The following AGTPBP1 variants were observed in gnomAD, a reference collection of about 807,000 sequenced individuals.
AGTPBP1 encodes the protein ATP/GTP binding carboxypeptidase 1.
In AGTPBP1, 70 loss-of-function variants were observed where a neutral mutation model predicts 143.9. The ratio of observed to expected loss-of-function variants is 0.49; its 90% CI spans 0.40 to 0.59. The LOEUF (loss-of-function observed/expected upper bound fraction) is 0.59, where lower values mean the gene tolerates loss of function less well. Among genes scored for constraint, AGTPBP1 ranks in the 20% least tolerant of loss-of-function variants. AGTPBP1 has a pLI of 0.00. For synonymous variants in AGTPBP1, 463 were observed against 500.2 expected (o/e 0.93, Z 0.99); for missense variants, 1,229 against 1,464.5 (o/e 0.84, Z 2.62).
chr9:85,734,416 A>G (rs570985208), intron 1 of AGTPBP1, among the ~76,000 whole-genome samples: 3 of 151,080 alleles, frequency 2.0e-5, no homozygotes, highest in Non-Finnish European at 4.5e-5. Flanking sequence ...AGGCCAGTAC[A>G]GCCCTGATAC....
At chr9:85,548,219 A>C (rs902065784) in intron 25 of AGTPBP1, among the ~76,000 whole-genome samples, 3 of 152,224 alleles carry the variant, frequency 2.0e-5, no homozygotes, top group African/African-American at 4.8e-5. Context: ...ATAAGAGAGA[A>C]GCAGATGTCA....
At chr9:85,695,489 T>A (rs1037607978) in intron 2 of AGTPBP1, among the ~76,000 whole-genome samples, 1 of 152,208 alleles carries the variant, frequency 6.6e-6, no homozygotes, top group Admixed American at 6.5e-5. Context: ...TTTGCACCGA[T>A]GGTCCAAAGG....
At chr9:85,713,919 C>G (rs1198203848) in intron 1 of AGTPBP1, among the ~76,000 whole-genome samples, 1 of 152,036 alleles carries the variant, frequency 6.6e-6, no homozygotes, top group Non-Finnish European at 1.5e-5. Flanking sequence ...GTAAAAATCA[C>G]TATATATCCA....
chr9:85,645,656 T>TC (rs997788088), intron 12 of AGTPBP1, among the ~76,000 whole-genome samples: 1 of 151,246 alleles, frequency 6.6e-6, no homozygotes, highest in Non-Finnish European at 1.5e-5. Context: ...TAATCCCTCC[T>TC]CCCCCATAAA....
intron 1 of AGTPBP1, among the ~76,000 whole-genome samples, chr9:85,718,734 AAT>A (rs1837891278): frequency 6.6e-6 from 1 of 152,184 alleles, no homozygotes; most frequent in East Asian, 1.9e-4. Context: ...TTAGTCATGA[AAT>A]GTTTGCCCAT....
intron 1 of AGTPBP1, among the ~76,000 whole-genome samples, chr9:85,727,088 A>G (rs1175972641): frequency 6.6e-6 from 1 of 152,182 alleles, no homozygotes; most frequent in Non-Finnish European, 1.5e-5. Flanking sequence ...CTAGCACTCC[A>G]GGATGAGGTG....
At position 85,664,128 on chromosome 9, in the gene AGTPBP1, C is replaced by T. The variant is rs1014314110; in HGVS notation, c.663-3155G>A. 2.6e-5 allele frequency among the ~76,000 whole-genome samples: 4 copies of T among 152,092 alleles called. No homozygotes were observed. In the South Asian group the frequency reaches 8.3e-4, roughly 32 times the overall value. ...CTGAACTTACATGTAACCAAATCTA[C>T]AGTAATAGAAGGCATTGTCATGACT... is the stretch of plus-strand genomic sequence containing the variant. On this transcript the variant is annotated intron_variant, in intron 8 of 25. Coordinates refer to ENST00000357081, the MANE Select transcript of AGTPBP1 (RefSeq NM_001330701.2).
the AGTPBP1 span, chr9:85,770,519 C>T: frequency 4.7e-6 from 6 of 1,287,068 alleles, no homozygotes; most frequent in South Asian, 2.4e-5. Context: ...GAATATTTTT[C>T]TTATAAAGAT....
intron 2 of AGTPBP1, among the ~76,000 whole-genome samples, chr9:85,696,007 A>G (rs1836214594): frequency 2.6e-5 from 4 of 152,066 alleles, no homozygotes; most frequent in Admixed American, 2.6e-4. Context: ...ACACCCAGCT[A>G]ATTTTTATAT....
At chr9:85,714,907 T>C (rs948280126) in intron 1 of AGTPBP1, among the ~76,000 whole-genome samples, 1 of 151,966 alleles carries the variant, frequency 6.6e-6, no homozygotes, top group Non-Finnish European at 1.5e-5. Flanking sequence ...GACAACGTGG[T>C]GTAATGCCTA....
the AGTPBP1 span, chr9:85,765,002 A>G: frequency 1.5e-6 from 1 of 665,386 alleles, no homozygotes. Context: ...TTTTCACATA[A>G]TCATAAATAT....
chr9:85,608,534 TTTA>T (rs1830122890), intron 17 of AGTPBP1, among the ~76,000 whole-genome samples: 1 of 152,046 alleles, frequency 6.6e-6, no homozygotes, highest in Admixed American at 6.5e-5. Flanking sequence ...AGATATATTC[TTTA>T]TTATCTTCTT....
intron 2 of AGTPBP1, among the ~76,000 whole-genome samples, chr9:85,695,616 T>C (rs1334014012): frequency 6.6e-6 from 1 of 152,202 alleles, no homozygotes; most frequent in African/African-American, 2.4e-5. Flanking sequence ...AATGCCAGTT[T>C]TACCCATGAG....
In AGTPBP1 at chr9:85,702,524, T is replaced by C. The variant is rs558023225; in HGVS notation, c.33-9711A>G. ...ACAATATCATCTCTCAATTTATCTG[T>C]TTCTGTTTTATGATCTTCACAGAGG... On this transcript the variant is annotated intron_variant, in intron 2 of 25. Coordinates refer to ENST00000357081, the MANE Select transcript of AGTPBP1 (RefSeq NM_001330701.2). 2.6e-4 allele frequency among the ~76,000 whole-genome samples: 40 copies of C among 152,302 alleles called. 1 individual carries two copies. In the South Asian group the frequency reaches 7.9e-3, roughly 30 times the overall value.
chr9:85,753,467 G>A, the AGTPBP1 span: 3 of 1,607,708 alleles, frequency 1.9e-6, no homozygotes, highest in Non-Finnish European at 2.6e-6. Flanking sequence ...CAATCTGATG[G>A]TTGTCTAAAT....
intron 1 of AGTPBP1, among the ~76,000 whole-genome samples, chr9:85,734,156 G>T (rs1259942301): frequency 6.6e-5 from 10 of 152,236 alleles, no homozygotes; most frequent in South Asian, 2.1e-4. Flanking sequence ...AGGACGCTGA[G>T]GCAGAAGGAT....
the AGTPBP1 span, among the ~76,000 whole-genome samples, chr9:85,777,431 A>G: frequency 1.3e-5 from 2 of 152,202 alleles, no homozygotes; most frequent in South Asian, 4.2e-4. Context: ...CAAATTGGGC[A>G]CTCAGCAGTG....
intron 10 of AGTPBP1, among the ~76,000 whole-genome samples, chr9:85,656,049 G>A (rs1012797290): frequency 2.6e-5 from 4 of 152,090 alleles, no homozygotes; most frequent in Admixed American, 6.6e-5. Context: ...GGATGGTCTC[G>A]ATCTTCTGAC....
rs1802262266 is a variant in AGTPBP1 at position 85,546,936 on chromosome 9, C to T, written c.*173G>A. ...TGAATATCGAAAATAAAACAAGCGCCAATTTTATCATTAATTAATAACACA... is the reference window on the plus strand; with the variant it reads ...TGAATATCGAAAATAAAACAAGCGCTAATTTTATCATTAATTAATAACACA... On this transcript the variant is annotated 3_prime_UTR_variant, in exon 26 of 26. Transcript: ENST00000357081. The T allele has an allele frequency of 1.9e-6, 1 of 529,302 alleles. No homozygotes were observed. Among genetic ancestry groups the T allele is most frequent in the South Asian group, 4.7e-5 (1 of 21,428 alleles). 32.8% of individuals were successfully genotyped at this position (529,302 alleles called of 1,614,324 possible). A position where few individuals can be genotyped will look rare whatever the true frequency, so the allele number is the denominator to read the frequency against.
Sources: allele counts gnomAD v4.1 joint callset (sites outside exome capture counted in the v4.1 genomes callset), GRCh38; gene constraint gnomAD v4.1.1; transcripts MANE v1.5; gene names NCBI Gene and HGNC (gene_info 2026-07-23, HGNC 2026-07-21).